Variants in RAB30 observed in about 807,000 individuals in gnomAD.
RAB30 encodes ras-related protein Rab-30.
In RAB30, 9 loss-of-function variants were observed where a neutral mutation model predicts 25.1. The observed-to-expected ratio is 0.36, with a 90% CI of 0.22 to 0.63. The LOEUF (loss-of-function observed/expected upper bound fraction) is 0.63, where lower values mean the gene tolerates loss of function less well. RAB30 is among the 20% of genes least tolerant of loss of function. The pLI, the probability that RAB30 is intolerant of heterozygous loss-of-function variation, is 0.69. For synonymous variants in RAB30, 77 were observed against 86.4 expected, an observed-to-expected ratio of 0.89 and a Z score of 0.60; for missense variants, 140 against 243.5, an observed-to-expected ratio of 0.58 and a Z score of 2.83.
chr11:82,984,390 C>G (rs763870432), intron 4 of RAB30, among the ~76,000 whole-genome samples: 12 of 152,090 alleles, frequency 7.9e-5, no homozygotes, highest in South Asian at 2.1e-4. Flanking sequence ...GAGCCTTGTT[C>G]CCTCATACTA....
rs1428004738 is a variant in RAB30 at position 82,987,669 on chromosome 11, A to G, written c.279T>C (p.Cys93=). ...CAGGAAGGCAACGGAAGGATTCCTC[A>G]CAGGTAATGTCATAGGTGAGGATCA... ...NALILTYDIT[C]EESFRCLPEW... Residue 93 remains cysteine (C), a synonymous_variant, in exon 4 of 5, where the codon TGT becomes TGC. Transcript: ENST00000527633. The G allele has an allele frequency of 6.2e-7, 1 of 1,613,804 alleles. No homozygotes were observed. The highest frequency in any genetic ancestry group is 1.7e-5 in the Admixed American group (1 of 59,992).
chr11:83,014,693 A>AGAAAGAAAGAAAGAAG (rs1491123798), intron 1 of RAB30, among the ~76,000 whole-genome samples: 27 of 143,974 alleles, frequency 1.9e-4, no homozygotes, highest in African/African-American at 7.0e-4. Flanking sequence ...AAAGAAAGAA[A>AGAAAGAAAGAAAGAAG]GAGAAAGGAA....
chr11:83,049,910 A>G (rs757608429), intron 1 of RAB30, among the ~76,000 whole-genome samples: 94 of 152,226 alleles, frequency 6.2e-4, no homozygotes, highest in Non-Finnish European at 1.1e-3. Flanking sequence ...CTCACTCCTC[A>G]AAGTAGAATT....
chr11:83,056,503 A>C (rs1555040662), intron 1 of RAB30, among the ~76,000 whole-genome samples: 1 of 152,226 alleles, frequency 6.6e-6, no homozygotes, highest in Non-Finnish European at 1.5e-5. Flanking sequence ...AATCATAAAG[A>C]TGTGTTTCAA....
intron 1 of RAB30, among the ~76,000 whole-genome samples, chr11:83,001,468 C>A (rs1458601066): frequency 6.6e-6 from 1 of 152,282 alleles, no homozygotes; most frequent in African/African-American, 2.4e-5. Context: ...CATGAGCCAC[C>A]ACGCCAAGAC....
Position 82,982,210 on chromosome 11 carries a change from T to G in RAB30, c.567A>C (p.Gly189=). 6.2e-7 allele frequency: 1 copy of G among 1,614,242 alleles called. No individual in the cohort carries two copies. Among genetic ancestry groups the G allele is most frequent in the African/African-American group, 1.3e-5 (1 of 75,068 alleles). ...TCAAATAGCTGATGCTTTTCCCTTC[T>G]CCAGGTAAGGGTGAGGATACATTGT... ...LVNNVSSPLP[G]EGKSISYLTC... Residue 189 remains glycine, a synonymous_variant, in exon 5 of 5, where the codon GGA becomes GGC. Coordinates refer to ENST00000527633, the MANE Select transcript of RAB30 (RefSeq NM_001286060.2).
At chr11:83,042,816 G>T (rs1224434467) in intron 1 of RAB30, among the ~76,000 whole-genome samples, 1 of 152,076 alleles carries the variant, frequency 6.6e-6, no homozygotes, top group Admixed American at 6.6e-5. Flanking sequence ...ATATTGTTAA[G>T]AAAACAGATC....
chr11:82,987,816 G>T, intron 3 of RAB30, 46 bp from the exon 4 acceptor site: 1 of 1,245,730 alleles, frequency 8.0e-7, no homozygotes, highest in Non-Finnish European at 1.1e-6. Flanking sequence ...GATCAGGTTG[G>T]AGAAAAAAAG....
intron 1 of RAB30, among the ~76,000 whole-genome samples, chr11:83,047,576 ATC>A (rs1858259726): frequency 6.6e-6 from 1 of 152,224 alleles, no homozygotes; most frequent in African/African-American, 2.4e-5. Context: ...TGAGTATATG[ATC>A]CTATTAACAA....
Position 82,979,387 on chromosome 11 carries a change from A to T in RAB30, c.*2778T>A, listed in dbSNP as rs1292528804. The T allele has an allele frequency of 6.6e-6, 1 of 152,148 alleles. No individual in the cohort carries two copies. Among genetic ancestry groups the T allele is most frequent in the Non-Finnish European group, 1.5e-5 (1 of 68,018 alleles). 9.4% of individuals were successfully genotyped at this position (152,148 alleles called of 1,614,324 possible). On this transcript the variant is annotated 3_prime_UTR_variant, in exon 5 of 5. Transcript: ENST00000527633. The stretch of plus-strand genomic sequence containing the variant: ...CCAAATTAAACTATATGATAAAGCA[A>T]TTTCTCTTTTTTCATCCACCACTAA...
intron 1 of RAB30, among the ~76,000 whole-genome samples, chr11:83,003,588 A>G (rs1249063766): frequency 1.3e-5 from 2 of 151,910 alleles, no homozygotes; most frequent in African/African-American, 2.4e-5. Flanking sequence ...ATGCCTGGGT[A>G]ATTTGTGTTT....
In RAB30 at chr11:83,000,018, T is replaced by C. The variant is rs566973915; in HGVS notation, c.-8-2694A>G. On this transcript the variant is annotated intron_variant, in intron 1 of 4. Transcript: ENST00000527633. ...GAGTCCAGATCCTAACCCCTCCCCA[T>C]CATCATCATCTCATTCTATATTATT... Among the ~76,000 whole-genome samples the C allele has an allele frequency of 5.3e-5, 8 of 152,266 alleles. No individual in the cohort carries two copies. The South Asian group carries it at 1.0e-3, about 20-fold the overall frequency.
chr11:83,047,758 T>C (rs1858263676), intron 1 of RAB30, among the ~76,000 whole-genome samples: 2 of 152,234 alleles, frequency 1.3e-5, no homozygotes, highest in South Asian at 4.1e-4. Flanking sequence ...AAAGGATTTT[T>C]TTTTTCTTTC....
rs1480494956 is a variant in RAB30 at position 82,980,631 on chromosome 11, T to C, written c.*1534A>G. 2 of 152,150 alleles carry C rather than the reference T, an allele frequency of 1.3e-5. No individual in the cohort carries two copies. The highest frequency in any genetic ancestry group is 3.8e-4 in the East Asian group (2 of 5,202). The allele number at this position is 152,150 out of a possible 1,614,324, so 9.4% of individuals were successfully genotyped here. The stretch of plus-strand genomic sequence containing the variant: ...TCTGACAGCATCAACAGCATACAGG[T>C]TTAATTATTTTCCCAATTTGCATTT... On this transcript the variant is annotated 3_prime_UTR_variant, in exon 5 of 5. Transcript: ENST00000527633.
At chr11:82,982,541 G>T in intron 4 of RAB30, 126 bp from the exon 5 acceptor site, 2 of 991,336 alleles carry the variant, frequency 2.0e-6, no homozygotes, top group Non-Finnish European at 2.9e-6. Context: ...AAACAAATGT[G>T]ACTGTGATTA....
rs181092854 is a variant in RAB30 at position 82,988,166 on chromosome 11, A to G, written c.178-396T>C. Among the ~76,000 whole-genome samples, 135 of 152,318 alleles carry G rather than the reference A, an allele frequency of 8.9e-4. 1 individual carries two copies. The highest frequency in any genetic ancestry group is 1.8e-3 in the Admixed American group (27 of 15,298). The stretch of plus-strand genomic sequence containing the variant: ...ACCCTATGAGGTAGATACTATCATA[A>G]TACCCATTTCTTGCATGAATAAACT... On this transcript the variant is annotated intron_variant, in intron 3 of 4. Coordinates refer to ENST00000527633, the MANE Select transcript of RAB30 (RefSeq NM_001286060.2).
chr11:83,063,415 T>C (rs566826452), intron 1 of RAB30, among the ~76,000 whole-genome samples: 2 of 152,234 alleles, frequency 1.3e-5, no homozygotes, highest in East Asian at 1.9e-4. Flanking sequence ...TAACCGTAAC[T>C]AGAAAATAAA....
chr11:82,996,383 C>T (rs530283841), intron 2 of RAB30, among the ~76,000 whole-genome samples: 4 of 152,210 alleles, frequency 2.6e-5, no homozygotes, highest in African/African-American at 9.6e-5. Flanking sequence ...CATGTCTCAA[C>T]TCCCAAGCCA....
chr11:83,051,382 GT>G (rs1178520593), intron 1 of RAB30, among the ~76,000 whole-genome samples: 2 of 152,170 alleles, frequency 1.3e-5, no homozygotes, highest in African/African-American at 4.8e-5. Context: ...GGCTGTACCT[GT>G]TCTTTTCATG....
Sources: allele counts gnomAD v4.1 joint callset (sites outside exome capture counted in the v4.1 genomes callset), GRCh38; gene constraint gnomAD v4.1.1; transcripts MANE v1.5; gene names NCBI Gene and HGNC (gene_info 2026-07-23, HGNC 2026-07-21).